Variants in PARVB observed in about 807,000 individuals in gnomAD.
The protein encoded by PARVB is beta-parvin.
A neutral mutation model predicts 47.0 loss-of-function variants in PARVB; 46 were observed. The observed-to-expected ratio is 0.98, with a 90% CI of 0.77 to 1.25. The LOEUF (loss-of-function observed/expected upper bound fraction) is 1.25, where lower values mean the gene tolerates loss of function less well. PARVB is among the 50% of genes most tolerant of loss of function. The pLI is 0.00. For synonymous variants in PARVB, 196 were observed against 196.3 expected, an observed-to-expected ratio of 1.00 and a Z score of 0.01; for missense variants, 473 against 471.6, an observed-to-expected ratio of 1.00 and a Z score of -0.03.
intron 1 of PARVB, among the ~76,000 whole-genome samples, chr22:44,081,008 T>C (rs1441681117): frequency 1.3e-5 from 2 of 152,106 alleles, no homozygotes; most frequent in African/African-American, 4.8e-5. Flanking sequence ...ATGGAGTGAC[T>C]CTCCACCTGC....
upstream of PARVB, among the ~76,000 whole-genome samples, chr22:44,021,075 G>A (rs145626708): frequency 3.3e-4 from 50 of 152,316 alleles, 1 homozygote; most frequent in East Asian, 7.3e-3. Flanking sequence ...GAGCCACCAC[G>A]CCTGGCCCCC....
At chr22:44,132,027 T>A (rs1420603993) in intron 5 of PARVB, among the ~76,000 whole-genome samples, 2 of 152,168 alleles carry the variant, frequency 1.3e-5, no homozygotes, top group Non-Finnish European at 2.9e-5. Context: ...AGATGTGACA[T>A]CACGGTATTT....
intron 3 of PARVB, chr22:44,106,962 T>A (rs1239864960): frequency 6.6e-6 from 1 of 152,196 alleles, no homozygotes; most frequent in Non-Finnish European, 1.5e-5. Flanking sequence ...AAATCCCAAC[T>A]CAGATTAAAG....
chr22:44,003,536 A>T (rs944259066), intron 2 of PARVB, among the ~76,000 whole-genome samples: 25 of 152,130 alleles, frequency 1.6e-4, no homozygotes, highest in Admixed American at 6.5e-5. Flanking sequence ...GCCCTGTTAT[A>T]ATGTGCTGCG....
chr22:44,126,408 C>T (rs980988256), intron 4 of PARVB, among the ~76,000 whole-genome samples: 9 of 152,228 alleles, frequency 5.9e-5, no homozygotes, highest in African/African-American at 1.9e-4. Context: ...AGTACAGTCA[C>T]ACCCAGCACT....
chr22:44,134,713 G>C (rs1467136416), intron 6 of PARVB, among the ~76,000 whole-genome samples: 9 of 152,192 alleles, frequency 5.9e-5, no homozygotes, highest in Non-Finnish European at 1.5e-5. Context: ...TCTAACCCCA[G>C]ATGGAATGGT....
intron 3 of PARVB, chr22:44,114,975 A>G: frequency 9.2e-6 from 1 of 108,998 alleles, no homozygotes; most frequent in East Asian, 3.4e-4. Flanking sequence ...CGTTGTTACT[A>G]AGTAAGGCCC....
intron 1 of PARVB, among the ~76,000 whole-genome samples, chr22:44,039,021 C>T (rs1172542105): frequency 2.0e-5 from 3 of 152,158 alleles, no homozygotes; most frequent in African/African-American, 4.8e-5. Flanking sequence ...AAGTGCTCCC[C>T]GTCACCAGCC....
intron 12 of PARVB, among the ~76,000 whole-genome samples, chr22:44,166,382 T>C (rs2054167602): frequency 6.6e-6 from 1 of 152,200 alleles, no homozygotes; most frequent in Non-Finnish European, 1.5e-5. Context: ...AGAGCTGGGG[T>C]TACAGGTGTG....
At chr22:44,118,430 T>A (rs1215241883) in intron 3 of PARVB, among the ~76,000 whole-genome samples, 1 of 152,168 alleles carries the variant, frequency 6.6e-6, no homozygotes, top group East Asian at 1.9e-4. Flanking sequence ...TCTATCTCAA[T>A]AAGGGTGCAT....
At chr22:44,081,490 C>T (rs1052619962) in intron 1 of PARVB, 6 of 431,446 alleles carry the variant, frequency 1.4e-5, no homozygotes, top group African/African-American at 4.3e-5. Context: ...CAGCAGACAA[C>T]GCTTTGGACT....
chr22:44,117,596 C>G (rs950924421), intron 3 of PARVB, among the ~76,000 whole-genome samples: 37 of 152,286 alleles, frequency 2.4e-4, no homozygotes, highest in African/African-American at 7.7e-4. Flanking sequence ...TGCAAACTGC[C>G]CTTTAATTTA....
At chr22:44,138,704 C>G (rs570997481) in intron 7 of PARVB, among the ~76,000 whole-genome samples, 1 of 152,292 alleles carries the variant, frequency 6.6e-6, no homozygotes, top group African/African-American at 2.4e-5. Flanking sequence ...TTCCAGGAAG[C>G]CCTCCTGTCT....
At chr22:44,165,919 C>T (rs1338554516) in intron 12 of PARVB, among the ~76,000 whole-genome samples, 1 of 152,218 alleles carries the variant, frequency 6.6e-6, no homozygotes, top group Non-Finnish European at 1.5e-5. Flanking sequence ...GTGGGTCGCA[C>T]ACTGTCAGGG....
At chr22:44,037,528 G>T (rs982840117) in intron 1 of PARVB, among the ~76,000 whole-genome samples, 5 of 152,296 alleles carry the variant, frequency 3.3e-5, no homozygotes, top group South Asian at 4.1e-4. Context: ...GATGCTTCCT[G>T]CATTATTACC....
intron 1 of PARVB, among the ~76,000 whole-genome samples, chr22:44,036,023 C>T (rs997796473): frequency 5.9e-5 from 9 of 151,984 alleles, no homozygotes; most frequent in African/African-American, 4.8e-5. Flanking sequence ...TTTGGGAGGC[C>T]GAGGCGGGCG....
At chr22:44,108,840 T>G (rs1268080932) in intron 3 of PARVB, 1 of 152,214 alleles carries the variant, frequency 6.6e-6, no homozygotes, top group Non-Finnish European at 1.5e-5. Context: ...TTCAGTTAAT[T>G]TAGGCCATCT....
upstream of PARVB, among the ~76,000 whole-genome samples, chr22:44,023,552 TA>T (rs2050679628): frequency 9.6e-5 from 10 of 103,636 alleles, no homozygotes; most frequent in Non-Finnish European, 1.5e-4. Context: ...TAAAATAAAA[TA>T]AAATAAAATA....
At chr22:44,030,427 G>A (rs778981138) in intron 1 of PARVB, among the ~76,000 whole-genome samples, 9 of 152,208 alleles carry the variant, frequency 5.9e-5, no homozygotes, top group Non-Finnish European at 1.0e-4. Flanking sequence ...GCTGAGCAAC[G>A]GTGCAGCCTG....
Sources: gnomAD v4.1 joint callset for allele counts (sites outside exome capture counted in the v4.1 genomes callset) on GRCh38, gnomAD v4.1.1 for gene constraint, MANE v1.5 for transcripts, NCBI Gene and HGNC (gene_info 2026-07-23, HGNC 2026-07-21) for gene names.